NXPE2: variants seen among roughly 807,000 people sequenced by gnomAD.
The protein encoded by NXPE2 is NXPE family member 2.
A neutral mutation model predicts 34.4 loss-of-function variants in NXPE2; 34 were observed. That is an observed-to-expected ratio of 0.99 (90% confidence interval 0.75 to 1.31). The LOEUF is 1.31. Among genes scored for constraint, NXPE2 ranks in the 40% most tolerant of loss-of-function variants. NXPE2 has a pLI of 0.00. For synonymous variants in NXPE2, 235 were observed against 231.3 expected, an observed-to-expected ratio of 1.02 and a Z score of -0.15; for missense variants, 649 against 672.5, an observed-to-expected ratio of 0.97 and a Z score of 0.39.
chr11:114,516,126 G>T, the NXPE2 span, among the ~76,000 whole-genome samples: 1 of 152,292 alleles, frequency 6.6e-6, no homozygotes, highest in East Asian at 1.9e-4. Flanking sequence ...CTGTTGCTAA[G>T]CCTGTGATCT....
chr11:114,706,475 C>T lies in NXPE2; in HGVS notation c.1225C>T (p.Gln409Ter), dbSNP rs1240481287. The T allele has an allele frequency of 7.1e-6, 11 of 1,551,248 alleles. No homozygotes were observed. In the Admixed American group the frequency reaches 2.2e-4, roughly 30 times the overall value. ...LLDVERHILI[Q>*]WKKHGHPFVT... ...GGATGTTGAAAGACATATTTTGATTCAGTGGAAAAAACATGGTCATCCATT... is the reference window on the plus strand; with the variant it reads ...GGATGTTGAAAGACATATTTTGATTTAGTGGAAAAAACATGGTCATCCATT... Residue 409 changes from glutamine to a stop codon, truncating the protein, a stop_gained, in exon 6 of 6, where the codon CAG becomes TAG. Transcript: ENST00000389586. LOFTEE classifies it low-confidence loss of function (END_TRUNC).
At chr11:114,623,149 G>A in the NXPE2 span, among the ~76,000 whole-genome samples, 1 of 152,064 alleles carries the variant, frequency 6.6e-6, no homozygotes, top group Non-Finnish European at 1.5e-5. Flanking sequence ...TGCCTTGTGG[G>A]TAACCAGTGT....
the NXPE2 span, among the ~76,000 whole-genome samples, chr11:114,562,785 A>T: frequency 6.6e-6 from 1 of 152,176 alleles, no homozygotes; most frequent in Non-Finnish European, 1.5e-5. Context: ...ATAAGGCTCG[A>T]TCTGTGGTTC....
chr11:114,538,042 C>T, the NXPE2 span, among the ~76,000 whole-genome samples: 1 of 152,168 alleles, frequency 6.6e-6, no homozygotes, highest in Admixed American at 6.5e-5. Flanking sequence ...TACAAGGCTA[C>T]AGTAACCAAA....
At chr11:114,569,416 C>T in the NXPE2 span, among the ~76,000 whole-genome samples, 8 of 152,082 alleles carry the variant, frequency 5.3e-5, no homozygotes, top group East Asian at 1.9e-4. Flanking sequence ...AATAGTGGCT[C>T]GCAAAGATGT....
chr11:114,790,494 C>T, the NXPE2 span, among the ~76,000 whole-genome samples: 1 of 152,190 alleles, frequency 6.6e-6, no homozygotes, highest in African/African-American at 2.4e-5. Flanking sequence ...GCCTCTGATT[C>T]TAAAACTCAT....
chr11:114,730,297 T>C, the NXPE2 span, among the ~76,000 whole-genome samples: 12 of 152,290 alleles, frequency 7.9e-5, no homozygotes, highest in Non-Finnish European at 1.3e-4. Flanking sequence ...TTGTTTTGGT[T>C]ACTGTAGCTT....
the NXPE2 span, chr11:114,571,402 T>C: frequency 6.2e-7 from 1 of 1,613,892 alleles, no homozygotes; most frequent in Non-Finnish European, 8.5e-7. Context: ...TGGATGTTGA[T>C]GTTCCTATCC....
At chr11:114,595,457 T>C in the NXPE2 span, 1 of 152,218 alleles carries the variant, frequency 6.6e-6, no homozygotes, top group Admixed American at 6.6e-5. Flanking sequence ...TTTCCATCCC[T>C]CAAAATTTAC....
At chr11:114,554,412 G>T in the NXPE2 span, 1 of 984,236 alleles carries the variant, frequency 1.0e-6, no homozygotes, top group Non-Finnish European at 1.2e-6. Context: ...CAGAACAGGG[G>T]GTTCTTAAAC....
At chr11:114,604,599 C>T in the NXPE2 span, among the ~76,000 whole-genome samples, 1 of 151,728 alleles carries the variant, frequency 6.6e-6, no homozygotes. Context: ...TGGGTAACCA[C>T]CATTACCCAC....
chr11:114,707,713 C>A (rs896988763), downstream of NXPE2: 2 of 161,514 alleles, frequency 1.2e-5, no homozygotes, highest in Non-Finnish European at 2.8e-5. Context: ...CTGTCCTTGG[C>A]CCATGGCAAC....
the NXPE2 span, among the ~76,000 whole-genome samples, chr11:114,806,720 G>A: frequency 6.6e-6 from 1 of 151,962 alleles, no homozygotes; most frequent in Non-Finnish European, 1.5e-5. Flanking sequence ...TCTGATTGGT[G>A]TACCTGAAAG....
chr11:114,512,840 AG>A, the NXPE2 span: 87 of 203,998 alleles, frequency 4.3e-4, 1 homozygote, highest in East Asian at 7.3e-3. Flanking sequence ...AAGCAGTAGA[AG>A]GCTTCTTGGG....
chr11:114,530,606 A>C, the NXPE2 span: 3 of 1,614,096 alleles, frequency 1.9e-6, no homozygotes, highest in East Asian at 6.7e-5. Context: ...AATCCCCACC[A>C]TATTGCTTCC....
chr11:114,600,933 C>G, the NXPE2 span, among the ~76,000 whole-genome samples: 1 of 151,910 alleles, frequency 6.6e-6, no homozygotes, highest in Admixed American at 6.6e-5. Flanking sequence ...ATATAGTTCT[C>G]CATGAAATGA....
the NXPE2 span, among the ~76,000 whole-genome samples, chr11:114,634,008 T>C: frequency 6.6e-6 from 1 of 151,944 alleles, no homozygotes; most frequent in Non-Finnish European, 1.5e-5. Context: ...AAATGGTATT[T>C]CTAGTTCTAG....
At chr11:114,620,090 G>A in the NXPE2 span, among the ~76,000 whole-genome samples, 1 of 151,102 alleles carries the variant, frequency 6.6e-6, no homozygotes, top group African/African-American at 2.4e-5. Flanking sequence ...GTTGCCTCTT[G>A]GGTAACCACT....
At chr11:114,588,961 G>A in the NXPE2 span, among the ~76,000 whole-genome samples, 321 of 152,244 alleles carry the variant, frequency 2.1e-3, 5 homozygotes, top group Admixed American at 0.019. Context: ...GGCCACCTTA[G>A]TCTTTTATAG....
Sources: gnomAD v4.1 joint callset for allele counts (sites outside exome capture counted in the v4.1 genomes callset) on GRCh38, gnomAD v4.1.1 for gene constraint, MANE v1.5 for transcripts, NCBI Gene and HGNC (gene_info 2026-07-23, HGNC 2026-07-21) for gene names.